The following SPATA1 variants were observed in gnomAD, a reference collection of about 807,000 sequenced individuals.
SPATA1 encodes the protein spermatogenesis-associated protein 1.
Under a neutral mutation model 59.6 loss-of-function variants are expected in SPATA1, and 57 were observed. The observed-to-expected ratio is 0.96, with a 90% CI of 0.77 to 1.19. The LOEUF (loss-of-function observed/expected upper bound fraction) is 1.19. SPATA1 is among the 50% of genes most tolerant of loss of function. The probability of loss-of-function intolerance (pLI) is 0.00; values close to 1 mark genes in which losing one functional copy is unlikely to be tolerated. For missense variants in SPATA1, 448 were observed against 480.7 expected (o/e 0.93, Z 0.64); for synonymous variants, 147 against 163.9 (o/e 0.90, Z 0.79).
intron 6 of SPATA1, among the ~76,000 whole-genome samples, chr1:84,526,703 C>T (rs1042238482): frequency 2.0e-5 from 3 of 151,288 alleles, no homozygotes; most frequent in Non-Finnish European, 4.4e-5. Flanking sequence ...CCTGTCTCTA[C>T]GAAAAAACAC....
At chr1:84,518,671 C>T (rs1682891533) in intron 2 of SPATA1, among the ~76,000 whole-genome samples, 1 of 151,890 alleles carries the variant, frequency 6.6e-6, no homozygotes, top group Non-Finnish European at 1.5e-5. Flanking sequence ...ACTCTCTCTG[C>T]TTCAATCATA....
At chr1:84,519,692 A>G (rs1682941621) in intron 2 of SPATA1, among the ~76,000 whole-genome samples, 1 of 152,128 alleles carries the variant, frequency 6.6e-6, no homozygotes, top group Admixed American at 6.6e-5. Context: ...AATCATCATC[A>G]AAAGCATAGA....
At chr1:84,512,506 A>G (rs12086533) in intron 1 of SPATA1, among the ~76,000 whole-genome samples, 160 of 152,384 alleles carry the variant, frequency 1.0e-3, no homozygotes, top group African/African-American at 3.6e-3. Flanking sequence ...TGTATGCCAT[A>G]TTATCAAATC....
intron 6 of SPATA1, among the ~76,000 whole-genome samples, chr1:84,529,399 T>G (rs1683367068): frequency 6.6e-6 from 1 of 152,034 alleles, no homozygotes; most frequent in East Asian, 1.9e-4. Flanking sequence ...AAATATTTGT[T>G]GAAAATTAAT....
intron 12 of SPATA1, chr1:84,551,461 A>G (rs1455503856): frequency 4.2e-6 from 1 of 239,848 alleles, no homozygotes; most frequent in African/African-American, 2.3e-5. Context: ...CTGCACTGTC[A>G]GATTGGTACC....
chr1:84,552,405 AG>A (rs1368142778), intron 12 of SPATA1: 2 of 152,294 alleles, frequency 1.3e-5, no homozygotes, highest in South Asian at 4.1e-4. Flanking sequence ...TGGAATAGTA[AG>A]GGCTCTGGTA....
Position 84,526,809 on chromosome 1 carries a change from A to G in SPATA1, c.544+736A>G, listed in dbSNP as rs112497576. Among the ~76,000 whole-genome samples, 38 of 149,290 alleles carry G rather than the reference A, an allele frequency of 2.5e-4. 2 individuals carry two copies. Among genetic ancestry groups the G allele is most frequent in the African/African-American group, 8.9e-4 (36 of 40,496 alleles). On this transcript the variant is annotated intron_variant, in intron 6 of 12. Transcript: ENST00000490879. ...CTTGAGCCAGGGACGGGGAGGTTGC[A>G]GTGAGCTGAGATGGCACCATCACCC...
Position 84,520,700 on chromosome 1 carries a change from T to A in SPATA1, c.143+9T>A, listed in dbSNP as rs754095961. ...TCAGCTGGATTTCTAAGGCAAGTGT[T>A]GTGTAGTCATGTAACAATATGCCTG... On this transcript the variant is annotated intron_variant, in intron 3 of 12. Transcript: ENST00000490879. 3 of 1,492,114 alleles carry A rather than the reference T, an allele frequency of 2.0e-6. No individual in the cohort carries two copies. The South Asian group carries it at 3.8e-5, about 19-fold the overall frequency. 92.4% of individuals were successfully genotyped at this position (1,492,114 alleles called of 1,614,324 possible). A position where few individuals can be genotyped will look rare whatever the true frequency, so the allele number is the denominator to read the frequency against.
chr1:84,551,001 C>G, intron 12 of SPATA1: 1 of 984,890 alleles, frequency 1.0e-6, no homozygotes, highest in Non-Finnish European at 1.2e-6. Context: ...CTGGCAGAGA[C>G]TATGCCTTAG....
At chr1:84,558,579 C>T (rs111231943), downstream of SPATA1, among the ~76,000 whole-genome samples, 46,454 of 148,854 alleles carry the variant, frequency 0.31, 8,002 homozygotes, top group African/African-American at 0.46. Context: ...GCGTGAGCCA[C>T]CGCGCCCGGC....
At chr1:84,531,814 C>G (rs1015218332) in intron 6 of SPATA1, among the ~76,000 whole-genome samples, 1 of 152,086 alleles carries the variant, frequency 6.6e-6, no homozygotes, top group Admixed American at 6.6e-5. Flanking sequence ...TCCTGCCCAG[C>G]CTCCCACAGT....
intron 8 of SPATA1, among the ~76,000 whole-genome samples, chr1:84,536,149 A>C (rs1313991280): frequency 1.3e-5 from 2 of 152,250 alleles, no homozygotes; most frequent in East Asian, 3.8e-4. Context: ...GCTAGTAGAA[A>C]CTTAGAAAAA....
At chr1:84,567,179 C>G (rs1684715526), downstream of SPATA1, among the ~76,000 whole-genome samples, 1 of 152,164 alleles carries the variant, frequency 6.6e-6, no homozygotes, top group Non-Finnish European at 1.5e-5. Context: ...AGGACTTCTT[C>G]AAAGTTCCCT....
chr1:84,525,839 T>C lies in SPATA1; in HGVS notation c.316-6T>C, dbSNP rs753867361. The C allele has an allele frequency of 1.6e-5, 26 of 1,609,918 alleles. No homozygotes were observed. The highest frequency in any genetic ancestry group is 3.3e-4 in the Middle Eastern group (2 of 6,042). ...ACTAACTTTTAAAATTTCCTATATGTTTTAGGCTCTTCAACCAGAATTATA... is the reference window on the plus strand; with the variant it reads ...ACTAACTTTTAAAATTTCCTATATGCTTTAGGCTCTTCAACCAGAATTATA... On this transcript the variant is annotated splice_region_variant and splice_polypyrimidine_tract_variant and intron_variant, in intron 5 of 12. Transcript: ENST00000490879.
intron 4 of SPATA1, among the ~76,000 whole-genome samples, chr1:84,562,760 T>A (rs1027938703): frequency 6.6e-6 from 1 of 152,202 alleles, no homozygotes; most frequent in African/African-American, 2.4e-5. Flanking sequence ...AGTTTTGACA[T>A]TGCTTTATAA....
chr1:84,546,457 CAAAAAAAAAA>C lies in SPATA1; in HGVS notation c.946+712_946+721del, dbSNP rs10618711. 3.7e-5 allele frequency among the ~76,000 whole-genome samples: 3 copies of C among 82,064 alleles called. No individual in the cohort carries two copies. In the East Asian group the frequency reaches 1.2e-3, roughly 34 times the overall value. The allele number at this position is 82,064 out of a possible 152,430, so 53.8% of individuals were successfully genotyped here. A position where few individuals can be genotyped will look rare whatever the true frequency, so the allele number is the denominator to read the frequency against. On this transcript the variant is annotated intron_variant, in intron 10 of 12. Coordinates refer to ENST00000490879, the Ensembl canonical transcript of SPATA1. ...TGGGTGACAAAGCAAGACTCTGCCT[CAAAAAAAAAA>C]AAAAAAAAAAAAACTTGATGAAAAC...
In SPATA1 at chr1:84,521,561, A is replaced by AT. The variant is rs555888334; in HGVS notation, c.144-827dup. On this transcript the variant is annotated intron_variant, in intron 3 of 12. Transcript: ENST00000490879. ...ATCTCCTTCAGGTCTTTACTCACAT[A>AT]TTACCTTTTTCTGTGGATATTCTCT... Among the ~76,000 whole-genome samples the AT allele has an allele frequency of 1.1e-3, 161 of 151,914 alleles. 1 individual carries two copies. Among genetic ancestry groups the AT allele is most frequent in the African/African-American group, 3.6e-3 (150 of 41,418 alleles).
chr1:84,547,719 G>A lies in SPATA1; in HGVS notation c.947-1067G>A, dbSNP rs150367805. On this transcript the variant is annotated intron_variant, in intron 10 of 12. Transcript: ENST00000490879. ...TTGTGGCATTAAGGGCCTGAAATAC[G>A]ACCAGTGCTGCTGAAACACTACGTA... Among the ~76,000 whole-genome samples, 20 of 152,192 alleles carry A rather than the reference G, an allele frequency of 1.3e-4. No individual in the cohort carries two copies. In the East Asian group the frequency reaches 2.7e-3, roughly 21 times the overall value.
chr1:84,559,691 TA>T (rs994367633), intron 4 of SPATA1, among the ~76,000 whole-genome samples: 4 of 152,010 alleles, frequency 2.6e-5, no homozygotes, highest in African/African-American at 9.7e-5. Flanking sequence ...TTGCAATGAA[TA>T]AAAAAGAGGA....
Sources: allele counts gnomAD v4.1 joint callset (sites outside exome capture counted in the v4.1 genomes callset), GRCh38; gene constraint gnomAD v4.1.1; transcripts MANE v1.5; gene names NCBI Gene and HGNC (gene_info 2026-07-23, HGNC 2026-07-21).